The following ZBTB33 variants were observed in gnomAD, a reference collection of about 807,000 sequenced individuals.
ZBTB33 encodes transcriptional regulator Kaiso.
Under a neutral mutation model 25.9 loss-of-function variants are expected in ZBTB33, and 11 were observed. The ratio of observed to expected loss-of-function variants is 0.42; its 90% confidence interval spans 0.27 to 0.70. ZBTB33 has a LOEUF of 0.70. ZBTB33 is among the 30% of genes least tolerant of loss of function. ZBTB33 has a pLI of 0.23. For synonymous variants in ZBTB33, 157 were observed against 184.8 expected, an observed-to-expected ratio of 0.85 and a Z score of 1.22; for missense variants, 343 against 501.1, an observed-to-expected ratio of 0.68 and a Z score of 3.01.
At chrX:120,253,291 T>C in intron 2 of ZBTB33, 123 bp from the exon 3 acceptor site, 1 of 734,981 alleles carries the variant, frequency 1.4e-6, no homozygotes, top group Non-Finnish European at 1.9e-6. Flanking sequence ...GCCAAAAAAT[T>C]ATGCTGAACT....
chrX:120,253,941 G>C lies in ZBTB33; in HGVS notation c.526G>C (p.Glu176Gln). Reference sequence around the variant, plus strand: ...AACAGAGTCTTTTTCATTATCTGCCGAAGATTATGAAATGAAAAAGATCAT... The same window carrying C: ...AACAGAGTCTTTTTCATTATCTGCCCAAGATTATGAAATGAAAAAGATCAT... ...IITESFSLSA[E>Q]DYEMKKIIVT... Residue 176 changes from glutamate (E) to glutamine (Q), a missense_variant, in exon 3 of 3, where the codon GAA (glutamate) becomes CAA (glutamine). This residue lies in a region of ZBTB33 where 304 missense variants were observed against 410.0 expected (regional missense o/e 0.74). Coordinates refer to ENST00000557385, the MANE Select transcript of ZBTB33 (RefSeq NM_001184742.2). 1 of 1,205,599 alleles carries C rather than the reference G, an allele frequency of 8.3e-7. No individual in the cohort carries two copies. The highest frequency in any genetic ancestry group is 1.8e-5 in the South Asian group (1 of 56,383).
At position 120,254,220 on chromosome X, in the gene ZBTB33, G is replaced by A; in HGVS notation, c.805G>A (p.Val269Ile). The A allele has an allele frequency of 8.3e-7, 1 of 1,211,817 alleles. No individual in the cohort carries two copies. The highest frequency in any genetic ancestry group is 1.1e-6 in the Non-Finnish European group (1 of 895,533). Reference sequence around the variant, plus strand: ...AACACAAGGAAGTGAAAAATTGTTGGTATCTTCAGCTCCAACACATCTGAC... The same window carrying A: ...AACACAAGGAAGTGAAAAATTGTTGATATCTTCAGCTCCAACACATCTGAC... ...SQTQGSEKLL[V>I]SSAPTHLTPN... Residue 269 changes from valine (V) to isoleucine (I), a missense_variant, in exon 3 of 3, where the codon GTA becomes ATA. By Grantham distance (29) the Val-to-Ile change is conservative (BLOSUM62 3). Coordinates refer to ENST00000557385, the MANE Select transcript of ZBTB33 (RefSeq NM_001184742.2).
At position 120,253,658 on chromosome X, in the gene ZBTB33, T is replaced by C. The variant is rs375614155; in HGVS notation, c.243T>C (p.Ile81=). The C allele has an allele frequency of 4.4e-5, 53 of 1,210,763 alleles. No individual in the cohort carries two copies. In the African/African-American group the frequency reaches 8.9e-4, roughly 20 times the overall value. ...TAAGAGCAGAGATCTTTGCAGAAAT[T>C]CTCAATTATATCTATAGTTCTAAAA... The part of the protein sequence containing the change: ...SFIRAEIFAE[I]LNYIYSSKIV... Residue 81 remains isoleucine (I), a synonymous_variant, in exon 3 of 3, where the codon ATT becomes ATC. Transcript: ENST00000557385.
rs1228836798 is a variant in ZBTB33, at chrX:120,255,978, C to T, written c.*544C>T. The T allele has an allele frequency of 8.1e-6, 1 of 123,689 alleles. No homozygotes were observed. The highest frequency in any genetic ancestry group is 1.9e-5 in the Non-Finnish European group (1 of 53,486). The allele number at this position is 123,689 out of a possible 1,213,427, so 10.2% of individuals were successfully genotyped here. A position where few individuals can be genotyped will look rare whatever the true frequency, so the allele number is the denominator to read the frequency against. ...GCGAACAGCAACCTCCTGCTACCCT[C>T]CCTCTATGAAAATAGCCATGCAGAC... On this transcript the variant is annotated 3_prime_UTR_variant, in exon 3 of 3. Coordinates refer to ENST00000557385, the MANE Select transcript of ZBTB33 (RefSeq NM_001184742.2).
intron 1 of ZBTB33, among the ~76,000 whole-genome samples, chrX:120,251,445 C>T (rs2057599603): frequency 9.1e-6 from 1 of 110,292 alleles, no homozygotes; most frequent in African/African-American, 3.3e-5. Context: ...TCTACTTTCC[C>T]TGGTACCCCA....
At position 120,255,043 on chromosome X, in the gene ZBTB33, A is replaced by T; in HGVS notation, c.1628A>T (p.His543Leu). The T allele has an allele frequency of 8.2e-7, 1 of 1,212,128 alleles. No homozygotes were observed. The highest frequency in any genetic ancestry group is 1.7e-5 in the African/African-American group (1 of 57,922). The change falls in exon 3 of 3, where the codon CAT (histidine) becomes CTT (leucine). Residue 543 changes from histidine (H) to leucine (L), a missense_variant. Around this residue, in one of 2 missense-constraint regions of ZBTB33, gnomAD observed 304 missense variants for 410.0 expected, o/e 0.74. Transcript: ENST00000557385. The part of the protein sequence containing the change: ...LAEYRTKHEI[H>L]HTGERRYQCL... ...GAATATCGCACAAAGCATGAAATTC[A>T]TCACACAGGGGAGCGAAGGTATCAG...
Position 120,257,454 on chromosome X carries a change from G to A in ZBTB33, c.*2020G>A, listed in dbSNP as rs1274296294. ...CAATTAGTTTGTCATAATAAAACTTGGCAGATTCTACAAGTCTATTATGAC... is the reference window on the plus strand; with the variant it reads ...CAATTAGTTTGTCATAATAAAACTTAGCAGATTCTACAAGTCTATTATGAC... On this transcript the variant is annotated 3_prime_UTR_variant, in exon 3 of 3. Transcript: ENST00000557385. The A allele has an allele frequency of 2.4e-5, 3 of 122,699 alleles. No individual in the cohort carries two copies. Among genetic ancestry groups the A allele is most frequent in the Non-Finnish European group, 5.7e-5 (3 of 53,008 alleles). 10.1% of individuals were successfully genotyped at this position (122,699 alleles called of 1,213,427 possible).
rs2057629447 is a variant in ZBTB33 at position 120,255,142 on chromosome X, A to G, written c.1727A>G (p.Asp576Gly). 1 of 1,210,251 alleles carries G rather than the reference A, an allele frequency of 8.3e-7. No individual in the cohort carries two copies. Among genetic ancestry groups the G allele is most frequent in the Non-Finnish European group, 1.1e-6 (1 of 895,271 alleles). The change falls in exon 3 of 3, where the codon GAT becomes GGT. Residue 576 changes from aspartate (D) to glycine (G), a missense_variant. Physicochemically the swap from Asp to Gly is moderately conservative, Grantham distance 94. This residue lies in a region of ZBTB33 where 304 missense variants were observed against 410.0 expected (regional missense o/e 0.74). Coordinates refer to ENST00000557385, the MANE Select transcript of ZBTB33 (RefSeq NM_001184742.2). ...CATATAAAGTCAGTTCATAGTCAAGATCCTTCTGGGGACTCAAAGCTTTAT... is the reference window on the plus strand; with the variant it reads ...CATATAAAGTCAGTTCATAGTCAAGGTCCTTCTGGGGACTCAAAGCTTTAT... ...SSHIKSVHSQ[D>G]PSGDSKLYRL...
rs369847700 is a variant in ZBTB33, at chrX:120,254,439, A to G, written c.1024A>G (p.Ile342Val). ...AATAATAGATGATGATGATGACACT[A>G]TTAGCTCCAGTCCTGACTCGGCCGT... The part of the protein sequence containing the change: ...EEIIDDDDDT[I>V]SSSPDSAVSN... Residue 342 changes from isoleucine (I) to valine (V), a missense_variant, in exon 3 of 3, where the codon ATT (isoleucine) becomes GTT (valine). Around this residue, in one of 2 missense-constraint regions of ZBTB33, gnomAD observed 304 missense variants for 410.0 expected, o/e 0.74. Transcript: ENST00000557385. 5.0e-6 allele frequency: 6 copies of G among 1,209,561 alleles called. No homozygotes were observed. Among genetic ancestry groups the G allele is most frequent in the Non-Finnish European group, 6.7e-6 (6 of 895,170 alleles).
chrX:120,253,221 C>T (rs1331079946), intron 2 of ZBTB33, among the ~76,000 whole-genome samples, 193 bp from the exon 3 acceptor site: 3 of 112,210 alleles, frequency 2.7e-5, no homozygotes, highest in African/African-American at 9.7e-5. Flanking sequence ...AACTCAGGAG[C>T]AAGCCATGAA....
rs1556015019 is a variant in ZBTB33, at chrX:120,254,619, C to A, written c.1204C>A (p.Pro402Thr). The A allele has an allele frequency of 8.3e-7, 1 of 1,211,509 alleles. No individual in the cohort carries two copies. Among genetic ancestry groups the A allele is most frequent in the East Asian group, 3.0e-5 (1 of 33,860 alleles). Residue 402 changes from proline to threonine, a missense_variant, in exon 3 of 3, where the codon CCA (proline) becomes ACA (threonine). By Grantham distance (38) the Pro-to-Thr change is conservative. Around this residue, in one of 2 missense-constraint regions of ZBTB33, gnomAD observed 304 missense variants for 410.0 expected, o/e 0.74. Coordinates refer to ENST00000557385, the MANE Select transcript of ZBTB33 (RefSeq NM_001184742.2). ...SDIITRNTND[P>T]GVGSKHLMEG... Reference sequence around the variant, plus strand: ...TATAATTACTAGAAATACTAATGATCCAGGCGTAGGATCAAAACATCTAAT... The same window carrying A: ...TATAATTACTAGAAATACTAATGATACAGGCGTAGGATCAAAACATCTAAT...
Position 120,255,318 on chromosome X carries a change from A to C in ZBTB33, c.1903A>C (p.Asn635His), listed in dbSNP as rs1202333433. 1 of 1,210,107 alleles carries C rather than the reference A, an allele frequency of 8.3e-7. No individual in the cohort carries two copies. Among genetic ancestry groups the C allele is most frequent in the Non-Finnish European group, 1.1e-6 (1 of 894,998 alleles). ...AGTAGGGACCACTACATCTACTCAGAACAAGCCAATGACCTGGGAAGATAT... is the reference window on the plus strand; with the variant it reads ...AGTAGGGACCACTACATCTACTCAGCACAAGCCAATGACCTGGGAAGATAT... ...PPVGTTTSTQ[N>H]KPMTWEDIFI... Residue 635 changes from asparagine to histidine, a missense_variant, in exon 3 of 3, where the codon AAC becomes CAC. Coordinates refer to ENST00000557385, the MANE Select transcript of ZBTB33 (RefSeq NM_001184742.2).
At position 120,254,988 on chromosome X, in the gene ZBTB33, C is replaced by T. The variant is rs782134592; in HGVS notation, c.1573C>T (p.Arg525Cys). The change falls in exon 3 of 3, where the codon CGT becomes TGT. Residue 525 changes from arginine to cysteine, a missense_variant. Arg to Cys is a radical substitution (Grantham distance 180). Transcript: ENST00000557385. ...IHSWEKKYPC[R>C]YCEKVFPLAE... ...TTCTTGGGAGAAGAAGTATCCGTGC[C>T]GTTACTGTGAGAAGGTATTTCCTCT... 1.7e-6 allele frequency: 2 copies of T among 1,211,690 alleles called. No homozygotes were observed. Among genetic ancestry groups the T allele is most frequent in the Non-Finnish European group, 2.2e-6 (2 of 895,461 alleles).
rs1295633293 is a variant in ZBTB33, at chrX:120,257,672, A to T, written c.*2238A>T. 2 of 123,361 alleles carry T rather than the reference A, an allele frequency of 1.6e-5. No individual in the cohort carries two copies. The highest frequency in any genetic ancestry group is 3.8e-5 in the Non-Finnish European group (2 of 53,163). The allele number at this position is 123,361 out of a possible 1,213,427, so 10.2% of individuals were successfully genotyped here. A position where few individuals can be genotyped will look rare whatever the true frequency, so the allele number is the denominator to read the frequency against. On this transcript the variant is annotated 3_prime_UTR_variant, in exon 3 of 3. Transcript: ENST00000557385. ...ATTGTATTTTTGCCAGAAGACTCTT[A>T]CTTGCATGTGTCTCAGGGTCTTCAG...
rs782246832 is a variant in ZBTB33, at chrX:120,254,219, G to C, written c.804G>C (p.Leu268Phe). 1 of 1,211,587 alleles carries C rather than the reference G, an allele frequency of 8.3e-7. No homozygotes were observed. The part of the protein sequence containing the change: ...LSQTQGSEKL[L>F]VSSAPTHLTP... ...AAACACAAGGAAGTGAAAAATTGTTGGTATCTTCAGCTCCAACACATCTGA... is the reference window on the plus strand; with the variant it reads ...AAACACAAGGAAGTGAAAAATTGTTCGTATCTTCAGCTCCAACACATCTGA... Residue 268 changes from leucine to phenylalanine, a missense_variant, in exon 3 of 3, where the codon TTG (leucine) becomes TTC (phenylalanine). By Grantham distance (22) the Leu-to-Phe change is conservative. This residue lies in a region of ZBTB33 where 304 missense variants were observed against 410.0 expected (regional missense o/e 0.74). Transcript: ENST00000557385.
chrX:120,255,113 T>G lies in ZBTB33; in HGVS notation c.1698T>G (p.Ser566=). The G allele has an allele frequency of 8.3e-7, 1 of 1,212,101 alleles. No homozygotes were observed. The highest frequency in any genetic ancestry group is 1.1e-6 in the Non-Finnish European group (1 of 895,514). ...GKSFINYQFM[S]SHIKSVHSQD... is the part of the protein sequence containing the mutation. The stretch of plus-strand genomic sequence containing the variant: ...CTTTCATCAACTATCAGTTTATGTC[T>G]TCACATATAAAGTCAGTTCATAGTC... The change falls in exon 3 of 3, where the codon TCT becomes TCG. Residue 566 remains serine, a synonymous_variant. Coordinates refer to ENST00000557385, the MANE Select transcript of ZBTB33 (RefSeq NM_001184742.2).
At chrX:120,252,877 T>C (rs2057609113) in intron 2 of ZBTB33, 107 bp downstream of exon 2, 1 of 112,515 alleles carries the variant, frequency 8.9e-6, no homozygotes, top group African/African-American at 3.2e-5. Flanking sequence ...ATAAATGTCA[T>C]TGGCTCCAGG....
Position 120,254,639 on chromosome X carries a change from T to C in ZBTB33, c.1224T>C (p.His408=), listed in dbSNP as rs2057625270. ...ATGATCCAGGCGTAGGATCAAAACA[T>C]CTAATGGAGGGTCAGAAGATCATTA... ...NTNDPGVGSK[H]LMEGQKIITL... The change falls in exon 3 of 3, where the codon CAT becomes CAC. Residue 408 remains histidine, a synonymous_variant. Coordinates refer to ENST00000557385, the MANE Select transcript of ZBTB33 (RefSeq NM_001184742.2). 3 of 1,211,911 alleles carry C rather than the reference T, an allele frequency of 2.5e-6. No individual in the cohort carries two copies. The highest frequency in any genetic ancestry group is 1.7e-5 in the African/African-American group (1 of 57,836).
chrX:120,256,809 G>GA lies in ZBTB33; in HGVS notation c.*1381dup, dbSNP rs1255059802. Reference sequence around the variant, plus strand: ...AATGATTTTTTTTTTTTTTGCAAAGGAAAAAATTGATACTGGAAAAGATTG... The same window carrying GA: ...AATGATTTTTTTTTTTTTTGCAAAGGAAAAAAATTGATACTGGAAAAGATTG... On this transcript the variant is annotated 3_prime_UTR_variant, in exon 3 of 3. Coordinates refer to ENST00000557385, the MANE Select transcript of ZBTB33 (RefSeq NM_001184742.2). 24 of 120,500 alleles carry GA rather than the reference G, an allele frequency of 2.0e-4. No individual in the cohort carries two copies. The highest frequency in any genetic ancestry group is 4.6e-4 in the Non-Finnish European group (24 of 52,381). 9.9% of individuals were successfully genotyped at this position (120,500 alleles called of 1,213,427 possible).
Sources: gnomAD v4.1 joint callset for allele counts (sites outside exome capture counted in the v4.1 genomes callset) on GRCh38, gnomAD v4.1.1 for gene constraint, gnomAD v4.1.1 regional missense constraint, MANE v1.5 for transcripts, NCBI Gene and HGNC (gene_info 2026-07-23, HGNC 2026-07-21) for gene names.